LIMCH1: variants seen among roughly 807,000 people sequenced by gnomAD.
LIMCH1 encodes LIM and calponin homology domains-containing protein 1.
In LIMCH1, 113 loss-of-function variants were observed where a neutral mutation model predicts 176.5. The ratio of observed to expected loss-of-function variants is 0.64; its 90% CI spans 0.55 to 0.75. LIMCH1 has a LOEUF of 0.75. Among genes scored for constraint, LIMCH1 ranks in the 30% least tolerant of loss-of-function variants. The pLI is 0.00. For missense variants in LIMCH1, 1,674 were observed against 1,814.9 expected, an observed-to-expected ratio of 0.92 and a Z score of 1.41; for synonymous variants, 619 against 645.9, an observed-to-expected ratio of 0.96 and a Z score of 0.63.
chr4:41,494,219 G>A (rs1343450741), intron 1 of LIMCH1, among the ~76,000 whole-genome samples: 1 of 151,334 alleles, frequency 6.6e-6, no homozygotes, highest in Non-Finnish European at 1.5e-5. Flanking sequence ...ACATGGGAAG[G>A]AAATTCAGGC....
intron 1 of LIMCH1, among the ~76,000 whole-genome samples, chr4:41,465,990 G>A (rs11737316): frequency 0.37 from 50,534 of 137,510 alleles, 9,363 homozygotes; most frequent in African/African-American, 0.48. Context: ...TCAGAGTCTC[G>A]CTCTGTCTCC....
Position 41,698,467 on chromosome 4 carries a change from G to C in LIMCH1, c.*1282G>C, listed in dbSNP as rs963921157. 6.6e-6 allele frequency: 1 copy of C among 152,374 alleles called. No individual in the cohort carries two copies. Among genetic ancestry groups the C allele is most frequent in the Non-Finnish European group, 1.5e-5 (1 of 68,030 alleles). The allele number at this position is 152,374 out of a possible 1,614,324, so 9.4% of individuals were successfully genotyped here. On this transcript the variant is annotated 3_prime_UTR_variant, in exon 32 of 32. Transcript: ENST00000503057. Reference sequence around the variant, plus strand: ...AAGAAAGGAGTCAAGTTATTAAAAAGCATCACAATGTAGATCTCCAGGCTG... The same window carrying C: ...AAGAAAGGAGTCAAGTTATTAAAAACCATCACAATGTAGATCTCCAGGCTG...
intron 4 of LIMCH1, 55 bp from the exon 5 acceptor site, chr4:41,613,411 C>A: frequency 6.7e-7 from 1 of 1,488,652 alleles, no homozygotes; most frequent in South Asian, 1.2e-5. Context: ...ACCCATCTTC[C>A]TGATAGTGTA....
chr4:41,575,906 TAGA>T (rs1257272660), intron 1 of LIMCH1, among the ~76,000 whole-genome samples: 1 of 152,166 alleles, frequency 6.6e-6, no homozygotes, highest in East Asian at 1.9e-4. Flanking sequence ...TGCCTCTAAG[TAGA>T]AGAATAACCT....
chr4:41,470,399 C>T (rs1219890503), intron 1 of LIMCH1, among the ~76,000 whole-genome samples: 1 of 152,206 alleles, frequency 6.6e-6, no homozygotes, highest in African/African-American at 2.4e-5. Flanking sequence ...CAGAGATTTG[C>T]TCTTTGTTCC....
chr4:41,436,987 CTT>C (rs2062153525), intron 1 of LIMCH1, among the ~76,000 whole-genome samples: 1 of 152,182 alleles, frequency 6.6e-6, no homozygotes, highest in Admixed American at 6.5e-5. Context: ...TCATTGCACT[CTT>C]TGTTATTTCT....
At chr4:41,580,427 C>T (rs1237431814) in intron 1 of LIMCH1, among the ~76,000 whole-genome samples, 1 of 151,990 alleles carries the variant, frequency 6.6e-6, no homozygotes, top group Non-Finnish European at 1.5e-5. Flanking sequence ...TCACTGATAA[C>T]CCTGGAATCA....
chr4:41,626,626 A>G (rs1254684268), intron 7 of LIMCH1, 82 bp from the exon 8 acceptor site: 33 of 1,137,268 alleles, frequency 2.9e-5, no homozygotes, highest in Non-Finnish European at 4.1e-5. Context: ...TTCACTAACA[A>G]CACAGTTGTC....
chr4:41,432,659 T>C (rs548532751), intron 1 of LIMCH1, among the ~76,000 whole-genome samples: 15 of 152,248 alleles, frequency 9.9e-5, no homozygotes, highest in Non-Finnish European at 2.2e-4. Context: ...AAACATTTCC[T>C]AAGGTAAACA....
Position 41,538,326 on chromosome 4 carries a change from T to C in LIMCH1, c.-265T>C, listed in dbSNP as rs2078180739. On this transcript the variant is annotated 5_prime_UTR_variant, in exon 1 of 32. Transcript: ENST00000503057. ...CCCAGAGTGGGTTGGCTGGAGTTCA[T>C]TGCGGAGCATGAGGACGTGTGGGGG... 5 of 985,426 alleles carry C rather than the reference T, an allele frequency of 5.1e-6. No individual in the cohort carries two copies. The highest frequency in any genetic ancestry group is 9.4e-5 in the South Asian group (2 of 21,286). 61.0% of individuals were successfully genotyped at this position (985,426 alleles called of 1,614,324 possible).
intron 4 of LIMCH1, 22 bp downstream of exon 4, chr4:41,606,026 A>G: frequency 6.6e-7 from 1 of 1,522,058 alleles, no homozygotes; most frequent in Non-Finnish European, 9.1e-7. Flanking sequence ...TTTCTTCTTT[A>G]TCCCATAAGC....
At chr4:41,491,927 C>T (rs1484288308) in intron 1 of LIMCH1, among the ~76,000 whole-genome samples, 1 of 150,832 alleles carries the variant, frequency 6.6e-6, no homozygotes, top group African/African-American at 2.4e-5. Flanking sequence ...GACGGGGCGG[C>T]CGGGCAGAGG....
intron 20 of LIMCH1, among the ~76,000 whole-genome samples, chr4:41,663,341 A>T (rs2094699912): frequency 6.6e-6 from 1 of 151,894 alleles, no homozygotes; most frequent in African/African-American, 2.4e-5. Flanking sequence ...TTTAGTAGAG[A>T]CGGGGTTTCA....
In LIMCH1 at chr4:41,611,373, A is replaced by G. The variant is rs542174003; in HGVS notation, c.10-2093A>G. 3.9e-5 allele frequency among the ~76,000 whole-genome samples: 6 copies of G among 152,348 alleles called. No homozygotes were observed. The South Asian group carries it at 1.2e-3, about 32-fold the overall frequency. On this transcript the variant is annotated intron_variant, in intron 4 of 31. Transcript: ENST00000503057. The stretch of plus-strand genomic sequence containing the variant: ...ACATATCCCTGTCATTCAGCAACAC[A>G]TAACTATATTTATAGTTTTGTGATC...
At chr4:41,500,938 G>T (rs138612713) in intron 2 of LIMCH1, among the ~76,000 whole-genome samples, 2,088 of 152,236 alleles carry the variant, frequency 0.014, 21 homozygotes, top group Non-Finnish European at 0.02. Flanking sequence ...AAATGAGAGA[G>T]GTGGACCTGG....
chr4:41,430,244 A>G (rs1164649485), intron 1 of LIMCH1, among the ~76,000 whole-genome samples: 1 of 152,122 alleles, frequency 6.6e-6, no homozygotes, highest in African/African-American at 2.4e-5. Context: ...TTTTAAAACC[A>G]TTTCTGTATT....
intron 1 of LIMCH1, 30 bp downstream of exon 1, chr4:41,538,380 A>T: frequency 1.0e-6 from 1 of 970,358 alleles, no homozygotes; most frequent in Non-Finnish European, 1.2e-6. Flanking sequence ...AAAGAAATAC[A>T]TGCTTAGGGG....
At chr4:41,588,405 G>A (rs2086872729) in intron 1 of LIMCH1, among the ~76,000 whole-genome samples, 1 of 152,062 alleles carries the variant, frequency 6.6e-6, no homozygotes, top group Non-Finnish European at 1.5e-5. Flanking sequence ...AGAGGGGGCT[G>A]ACCAAGGATG....
intron 1 of LIMCH1, among the ~76,000 whole-genome samples, chr4:41,449,591 T>C (rs752579654): frequency 3.3e-5 from 5 of 152,198 alleles, no homozygotes; most frequent in Non-Finnish European, 7.3e-5. Context: ...TCTTTGCACT[T>C]TCCCGCATGT....
Sources: gnomAD v4.1 joint callset for allele counts (sites outside exome capture counted in the v4.1 genomes callset) on GRCh38, gnomAD v4.1.1 for gene constraint, MANE v1.5 for transcripts, NCBI Gene and HGNC (gene_info 2026-07-23, HGNC 2026-07-21) for gene names.